AFAP1: variants seen among roughly 807,000 people sequenced by gnomAD.
AFAP1 encodes actin filament-associated protein 1.
In AFAP1, 75 loss-of-function variants were observed where a neutral mutation model predicts 93.9. The observed-to-expected ratio is 0.80, with a 90% confidence interval of 0.66 to 0.97. AFAP1 has a LOEUF of 0.97. AFAP1 is among the 50% of genes least tolerant of loss of function. The pLI is 0.00. For synonymous variants in AFAP1, 517 were observed against 430.7 expected (o/e 1.20, Z -2.48); for missense variants, 1,201 against 1,050.8 (o/e 1.14, Z -1.98).
intron 10 of AFAP1, among the ~76,000 whole-genome samples, chr4:7,798,498 C>G (rs1325814674): frequency 1.3e-5 from 2 of 152,192 alleles, no homozygotes; most frequent in African/African-American, 2.4e-5. Flanking sequence ...CGGCATTTCA[C>G]CACTGATGAG....
intron 1 of AFAP1, among the ~76,000 whole-genome samples, chr4:7,884,860 T>C (rs1036974123): frequency 4.1e-4 from 62 of 152,146 alleles, no homozygotes; most frequent in Non-Finnish European, 3.8e-4. Context: ...TCCTGGAGAA[T>C]GACAAACATG....
chr4:7,856,500 A>C (rs1715093984), intron 3 of AFAP1, among the ~76,000 whole-genome samples: 1 of 152,176 alleles, frequency 6.6e-6, no homozygotes, highest in African/African-American at 2.4e-5. Flanking sequence ...TTGGCCTCCC[A>C]AAGTGCTGGG....
At position 7,855,494 on chromosome 4, in the gene AFAP1, G is replaced by C. The variant is rs149841738; in HGVS notation, c.306C>G (p.Pro102=). The C allele has an allele frequency of 1.2e-6, 2 of 1,612,816 alleles. No individual in the cohort carries two copies. The highest frequency in any genetic ancestry group is 8.5e-7 in the Non-Finnish European group (1 of 1,179,312). ...ATGTGATGTATTCCGGAGCTTTTCC[G>C]GGGCTCAGCGGCACAGCTTCCTCAT... The part of the protein sequence containing the change: ...GYYEEAVPLS[P]GKAPEYITSN... The change falls in exon 4 of 18, where the codon CCC becomes CCG. Residue 102 remains proline, a synonymous_variant. Coordinates refer to ENST00000420658, the MANE Select transcript of AFAP1 (RefSeq NM_001134647.2).
intron 1 of AFAP1, among the ~76,000 whole-genome samples, chr4:7,894,430 C>T (rs1405109548): frequency 1.3e-5 from 2 of 152,178 alleles, no homozygotes; most frequent in Non-Finnish European, 2.9e-5. Flanking sequence ...ATGACGCTAA[C>T]ACAGAAGAAG....
chr4:7,898,341 G>A (rs1274458247), intron 1 of AFAP1, among the ~76,000 whole-genome samples: 1 of 152,020 alleles, frequency 6.6e-6, no homozygotes, highest in Non-Finnish European at 1.5e-5. Context: ...CCAGAAGGCA[G>A]AGGTTGCAGT....
At chr4:7,896,246 A>G (rs1055751225) in intron 1 of AFAP1, among the ~76,000 whole-genome samples, 1 of 152,128 alleles carries the variant, frequency 6.6e-6, no homozygotes, top group Non-Finnish European at 1.5e-5. Flanking sequence ...CCCACCATTA[A>G]AAGAGGTTTT....
At chr4:7,787,241 G>A (rs1717385096) in intron 11 of AFAP1, among the ~76,000 whole-genome samples, 1 of 152,226 alleles carries the variant, frequency 6.6e-6, no homozygotes, top group Non-Finnish European at 1.5e-5. Context: ...TGCCGGGAGC[G>A]TGGTGCGCCC....
At chr4:7,815,617 G>A (rs1458316444) in intron 8 of AFAP1, among the ~76,000 whole-genome samples, 1 of 152,126 alleles carries the variant, frequency 6.6e-6, no homozygotes, top group Non-Finnish European at 1.5e-5. Context: ...ATGGGAAAGT[G>A]GGTTTCTTGC....
At chr4:7,902,943 T>C (rs976375633) in intron 1 of AFAP1, among the ~76,000 whole-genome samples, 27 of 152,374 alleles carry the variant, frequency 1.8e-4, no homozygotes, top group African/African-American at 6.0e-4. Flanking sequence ...AAAGCTATGA[T>C]ACTTGGCTGA....
intron 16 of AFAP1, among the ~76,000 whole-genome samples, chr4:7,770,809 T>A (rs1285224564): frequency 6.6e-6 from 1 of 151,984 alleles, no homozygotes; most frequent in Non-Finnish European, 1.5e-5. Context: ...GCCACCACCC[T>A]CCACGCAGGA....
In AFAP1 at chr4:7,939,182, G is replaced by C. The variant is rs1017136167; in HGVS notation, c.-3+474C>G. ...GAAGCCGTCATGCGGGGCCAAGAAA[G>C]AGCCCCCATCCAGAGTCACGGACCC... On this transcript the variant is annotated intron_variant, in intron 1 of 17. Coordinates refer to ENST00000420658, the MANE Select transcript of AFAP1 (RefSeq NM_001134647.2). This position sits in a 1 kb window ranked among gnomAD's most constrained non-coding sequence, Gnocchi z 5.6. 9.8e-6 allele frequency: 2 copies of C among 203,942 alleles called. No individual in the cohort carries two copies. Among genetic ancestry groups the C allele is most frequent in the South Asian group, 5.5e-5 (1 of 18,046 alleles). 12.6% of individuals were successfully genotyped at this position (203,942 alleles called of 1,614,324 possible). A position where few individuals can be genotyped will look rare whatever the true frequency, so the allele number is the denominator to read the frequency against.
chr4:7,853,898 G>C (rs2149138402), intron 4 of AFAP1, among the ~76,000 whole-genome samples: 1 of 152,278 alleles, frequency 6.6e-6, no homozygotes, highest in African/African-American at 2.4e-5. Flanking sequence ...CCCCAGGCGT[G>C]AGTTCCTCAG....
intron 1 of AFAP1, among the ~76,000 whole-genome samples, chr4:7,896,234 A>G (rs939016722): frequency 1.3e-5 from 2 of 152,144 alleles, no homozygotes; most frequent in Non-Finnish European, 2.9e-5. Flanking sequence ...AACACAGTAT[A>G]ACCCACCATT....
At chr4:7,766,997 G>A (rs1038431498) in intron 17 of AFAP1, among the ~76,000 whole-genome samples, 5 of 152,096 alleles carry the variant, frequency 3.3e-5, no homozygotes, top group Non-Finnish European at 7.3e-5. Context: ...AGAAAAAGGC[G>A]GGAGGCAGAT....
chr4:7,907,334 A>T (rs1719471093), intron 1 of AFAP1, among the ~76,000 whole-genome samples: 3 of 152,200 alleles, frequency 2.0e-5, no homozygotes, highest in African/African-American at 7.2e-5. Context: ...CGTCCCTGTA[A>T]ATGTTGACTA....
intron 6 of AFAP1, among the ~76,000 whole-genome samples, chr4:7,820,924 G>C (rs961638916): frequency 5.3e-5 from 8 of 152,086 alleles, no homozygotes; most frequent in African/African-American, 1.9e-4. Flanking sequence ...CTCAATACCA[G>C]CCTGACCAAC....
intron 8 of AFAP1, 139 bp from the exon 9 acceptor site, chr4:7,809,902 T>C: frequency 1.0e-6 from 1 of 962,714 alleles, no homozygotes; most frequent in South Asian, 1.8e-5. Context: ...CTCTGTCCCC[T>C]GGCTGGAGTG....
At chr4:7,825,954 T>TAAA (rs56032709) in intron 6 of AFAP1, among the ~76,000 whole-genome samples, 44 of 133,794 alleles carry the variant, frequency 3.3e-4, no homozygotes, top group Middle Eastern at 3.8e-3. Context: ...TGGATATGCT[T>TAAA]AAAAAAAAAA....
At chr4:7,789,414 C>G (rs1452389709) in intron 11 of AFAP1, among the ~76,000 whole-genome samples, 3 of 145,464 alleles carry the variant, frequency 2.1e-5, no homozygotes, top group Non-Finnish European at 4.6e-5. Context: ...GCTTTCCATC[C>G]TCTTCATCCT....
Sources: gnomAD v4.1 joint callset for allele counts (sites outside exome capture counted in the v4.1 genomes callset) on GRCh38, gnomAD v4.1.1 for gene constraint, Gnocchi (gnomAD v3.1) non-coding constraint, MANE v1.5 for transcripts, NCBI Gene and HGNC (gene_info 2026-07-23, HGNC 2026-07-21) for gene names.